The following DMD variants were observed in gnomAD, a reference collection of about 807,000 sequenced individuals.
The protein encoded by DMD is dystrophin.
In DMD, 63 loss-of-function variants were observed where a neutral mutation model predicts 330.1. That is an observed-to-expected ratio of 0.19 (90% confidence interval 0.16 to 0.24). The LOEUF is 0.24. Ranked by LOEUF, DMD falls within the 10% of genes least tolerant of loss-of-function variation. The pLI is 1.00. For synonymous variants in DMD, 1,223 were observed against 959.8 expected (o/e 1.27, Z -5.07); for missense variants, 3,344 against 2,684.1 (o/e 1.25, Z -5.43).
intron 52 of DMD, among the ~76,000 whole-genome samples, chrX:31,702,625 G>A (rs2083892759): frequency 9.0e-6 from 1 of 110,999 alleles, no homozygotes. Flanking sequence ...CTAGTTCAGC[G>A]GAACACAACC....
At chrX:32,165,943 G>A (rs1055184125) in intron 44 of DMD, among the ~76,000 whole-genome samples, 2 of 110,664 alleles carry the variant, frequency 1.8e-5, no homozygotes, top group Non-Finnish European at 3.8e-5. Context: ...TGTGAAGAAG[G>A]TGCCTCGCTT....
chrX:33,147,319 C>T (rs1050252883), intron 1 of DMD, among the ~76,000 whole-genome samples: 3 of 111,520 alleles, frequency 2.7e-5, no homozygotes, highest in African/African-American at 9.8e-5. Context: ...AACATAAACA[C>T]TTGATTATTT....
chrX:32,759,865 GAAGA>G (rs2072031295), intron 7 of DMD, among the ~76,000 whole-genome samples: 1 of 75,748 alleles, frequency 1.3e-5, no homozygotes, highest in African/African-American at 5.3e-5. Flanking sequence ...GGGGGCGGGG[GAAGA>G]CCCAGGCAGG....
rs770399245 is a variant in DMD, at chrX:32,341,985, A to T, written c.5922+115T>A. ...GAAACCACTCACTTTCAGAATGTAC[A>T]TTAGAAGTTTAAAACTGTACCCAGA... On this transcript the variant is annotated intron_variant, in intron 41 of 78. Transcript: ENST00000357033. The T allele has an allele frequency of 7.6e-6, 6 of 791,188 alleles. No individual in the cohort carries two copies. The African/African-American group carries it at 1.3e-4, about 17-fold the overall frequency. 65.2% of individuals were successfully genotyped at this position (791,188 alleles called of 1,213,427 possible).
At chrX:31,721,533 T>C (rs185378734) in intron 52 of DMD, among the ~76,000 whole-genome samples, 15 of 107,933 alleles carry the variant, frequency 1.4e-4, no homozygotes, top group Non-Finnish European at 2.7e-4. Context: ...TTTTGGATTT[T>C]ACAGATTTTT....
chrX:33,103,719 T>G (rs1043659403), intron 1 of DMD, among the ~76,000 whole-genome samples: 3 of 111,627 alleles, frequency 2.7e-5, no homozygotes, highest in Non-Finnish European at 5.6e-5. Flanking sequence ...CGGACGCGAC[T>G]GAAATGACCC....
chrX:33,195,436 A>G (rs980817764), intron 1 of DMD, among the ~76,000 whole-genome samples: 1 of 110,469 alleles, frequency 9.1e-6, no homozygotes, highest in African/African-American at 3.3e-5. Flanking sequence ...CCAAATTTCT[A>G]CTCTGCTCAC....
intron 55 of DMD, among the ~76,000 whole-genome samples, chrX:31,625,629 A>C (rs1221425114): frequency 8.9e-6 from 1 of 112,167 alleles, no homozygotes; most frequent in Non-Finnish European, 1.9e-5. Flanking sequence ...TCTAAACATA[A>C]AATATTTATT....
intron 48 of DMD, among the ~76,000 whole-genome samples, chrX:31,872,600 A>G (rs932209801): frequency 1.7e-4 from 19 of 111,876 alleles, no homozygotes; most frequent in Non-Finnish European, 3.6e-4. Context: ...TATAATAAAG[A>G]GGCACATTTT....
chrX:32,637,366 T>A (rs1268908792), intron 11 of DMD, among the ~76,000 whole-genome samples: 5 of 112,046 alleles, frequency 4.5e-5, no homozygotes, highest in Admixed American at 9.5e-5. Context: ...GTTTTGATAT[T>A]TCTGATTGGG....
At chrX:32,737,946 G>C (rs1025481533) in intron 7 of DMD, among the ~76,000 whole-genome samples, 4 of 111,557 alleles carry the variant, frequency 3.6e-5, no homozygotes, top group Non-Finnish European at 3.8e-5. Context: ...GATATAACAG[G>C]AATTTTAGGA....
At chrX:33,053,981 G>A (rs192175226) in intron 1 of DMD, among the ~76,000 whole-genome samples, 29 of 111,902 alleles carry the variant, frequency 2.6e-4, no homozygotes, top group Admixed American at 2.6e-3. Flanking sequence ...TTGGCATAAT[G>A]AGTAGCATTA....
chrX:31,323,908 C>T (rs920048291), intron 61 of DMD, among the ~76,000 whole-genome samples: 5 of 110,815 alleles, frequency 4.5e-5, no homozygotes, highest in Non-Finnish European at 9.4e-5. Context: ...ACTGCTAAAC[C>T]TATAGAACAG....
At chrX:33,004,101 C>T (rs1013046872) in intron 2 of DMD, among the ~76,000 whole-genome samples, 1 of 112,065 alleles carries the variant, frequency 8.9e-6, no homozygotes, top group Non-Finnish European at 1.9e-5. Context: ...ATAAATTTCT[C>T]TTTCAGTATC....
chrX:32,484,713 C>G (rs1414769377), intron 21 of DMD, among the ~76,000 whole-genome samples: 1 of 112,058 alleles, frequency 8.9e-6, no homozygotes, highest in Non-Finnish European at 1.9e-5. Flanking sequence ...TGTTTTGTTT[C>G]TCAAAGTCAC....
intron 41 of DMD, among the ~76,000 whole-genome samples, chrX:32,320,762 C>T (rs747947773): frequency 1.8e-5 from 2 of 111,513 alleles, no homozygotes; most frequent in Non-Finnish European, 3.8e-5. Flanking sequence ...TTTCAAATTG[C>T]TTATTAAAAT....
At chrX:33,038,357 G>T (rs1362046419) in intron 1 of DMD, among the ~76,000 whole-genome samples, 1 of 112,187 alleles carries the variant, frequency 8.9e-6, no homozygotes, top group Non-Finnish European at 1.9e-5. Context: ...AATATTAAAA[G>T]TTCCTTTGCA....
chrX:31,743,342 T>C (rs1313251353), intron 51 of DMD, among the ~76,000 whole-genome samples: 3 of 112,620 alleles, frequency 2.7e-5, no homozygotes, highest in East Asian at 5.6e-4. Context: ...ATCCCATTAC[T>C]GGGCATATAG....
chrX:31,950,708 T>C (rs1489006543), intron 45 of DMD, among the ~76,000 whole-genome samples: 1 of 111,115 alleles, frequency 9.0e-6, no homozygotes, highest in African/African-American at 3.3e-5. Flanking sequence ...TATTTTCTGC[T>C]TAATTGACCC....
Sources: gnomAD v4.1 joint callset for allele counts (sites outside exome capture counted in the v4.1 genomes callset) on GRCh38, gnomAD v4.1.1 for gene constraint, MANE v1.5 for transcripts, NCBI Gene and HGNC (gene_info 2026-07-23, HGNC 2026-07-21) for gene names.